Variants in QTGAL observed in about 807,000 individuals in gnomAD.
The protein encoded by QTGAL is queuosine-tRNA galactosyltransferase, also known as BGnT-like protein 1.
At chr17:82,961,221 G>A in the QTGAL span, 21 of 1,588,484 alleles carry the variant, frequency 1.3e-5, no homozygotes, top group Non-Finnish European at 1.7e-5. Context: ...TGGGGCCCCA[G>A]AAACGCGTGC....
the QTGAL span, among the ~76,000 whole-genome samples, chr17:82,999,895 G>A: frequency 3.3e-5 from 5 of 152,126 alleles, no homozygotes; most frequent in African/African-American, 9.7e-5. Flanking sequence ...TTATAGGATC[G>A]CCTTAAACAT....
At chr17:82,971,063 C>T in the QTGAL span, among the ~76,000 whole-genome samples, 1 of 152,108 alleles carries the variant, frequency 6.6e-6, no homozygotes, top group Non-Finnish European at 1.5e-5. Context: ...CTGTGGGAGG[C>T]ATTCATCCGT....
the QTGAL span, among the ~76,000 whole-genome samples, chr17:83,037,887 T>A: frequency 6.6e-6 from 1 of 152,186 alleles, no homozygotes; most frequent in Non-Finnish European, 1.5e-5. This position sits in a 1 kb window ranked among gnomAD's most constrained non-coding sequence, Gnocchi z 5.2. Context: ...AAGTCAAATG[T>A]TTGCGTGGGG....
At chr17:83,038,037 A>T in the QTGAL span, among the ~76,000 whole-genome samples, 6 of 152,124 alleles carry the variant, frequency 3.9e-5, no homozygotes, top group Non-Finnish European at 8.8e-5. Flanking sequence ...TTTTGGTTTT[A>T]GCAAGCGGCG....
the QTGAL span, chr17:82,978,540 C>A: frequency 2.6e-5 from 4 of 152,126 alleles, no homozygotes; most frequent in Non-Finnish European, 4.4e-5. This position sits in a 1 kb window ranked among gnomAD's most constrained non-coding sequence, Gnocchi z 4.8. Flanking sequence ...TGTGCTTGGG[C>A]TCTGAAGCAT....
chr17:82,965,675 C>T, the QTGAL span: 1 of 1,611,306 alleles, frequency 6.2e-7, no homozygotes, highest in African/African-American at 1.3e-5. Flanking sequence ...TAAAGGGGCC[C>T]ACGTGGGAGA....
chr17:82,952,832 A>C, the QTGAL span, among the ~76,000 whole-genome samples: 8 of 152,246 alleles, frequency 5.3e-5, no homozygotes, highest in Non-Finnish European at 8.8e-5. Context: ...GCAAAAGAAC[A>C]GAAATCCTAA....
At chr17:82,990,536 T>A in the QTGAL span, among the ~76,000 whole-genome samples, 1 of 152,260 alleles carries the variant, frequency 6.6e-6, no homozygotes, top group Admixed American at 6.5e-5. Flanking sequence ...AAAACAAACT[T>A]TATTGGTAAC....
the QTGAL span, chr17:82,961,384 G>C: frequency 3.8e-6 from 1 of 261,560 alleles, no homozygotes; most frequent in South Asian, 3.3e-5. Flanking sequence ...CCACAGGCGG[G>C]AAAGAGGGGA....
At chr17:83,005,621 C>T in the QTGAL span, 18 of 702,746 alleles carry the variant, frequency 2.6e-5, no homozygotes, top group African/African-American at 8.7e-5. The surrounding 1 kb of genome is among the most constrained non-coding windows in gnomAD (Gnocchi z 5.6). Context: ...GCTGCCTGTC[C>T]GCAGGCCGCC....
chr17:82,963,799 C>T, the QTGAL span, among the ~76,000 whole-genome samples: 1 of 151,958 alleles, frequency 6.6e-6, no homozygotes, highest in Non-Finnish European at 1.5e-5. Context: ...AACTTCCTAA[C>T]ATTAGATGGT....
the QTGAL span, chr17:83,048,967 C>T: frequency 1.7e-6 from 1 of 602,428 alleles, no homozygotes; most frequent in Non-Finnish European, 2.9e-6. Flanking sequence ...CCCTGAACTG[C>T]CTTCTACATG....
chr17:83,018,327 G>C, the QTGAL span, among the ~76,000 whole-genome samples: 2 of 151,450 alleles, frequency 1.3e-5, no homozygotes, highest in African/African-American at 4.9e-5. Flanking sequence ...CCGCGAACAT[G>C]GTGTGGCTGT....
At chr17:82,981,055 A>C in the QTGAL span, 3 of 152,224 alleles carry the variant, frequency 2.0e-5, no homozygotes, top group Admixed American at 6.5e-5. Flanking sequence ...TTACTTCAGA[A>C]ACCAAGGACA....
the QTGAL span, chr17:82,965,814 T>C: frequency 6.9e-7 from 1 of 1,449,662 alleles, no homozygotes; most frequent in South Asian, 1.2e-5. Context: ...CTGCAGTTTA[T>C]TTCCACAAAG....
chr17:83,018,996 CCT>C, the QTGAL span, among the ~76,000 whole-genome samples: 1 of 152,202 alleles, frequency 6.6e-6, no homozygotes, highest in Non-Finnish European at 1.5e-5. Flanking sequence ...CTTCCTGCCC[CCT>C]GACGTTGTGG....
chr17:83,048,951 A>G, the QTGAL span: 1 of 632,608 alleles, frequency 1.6e-6, no homozygotes, highest in East Asian at 2.7e-5. Context: ...TTTACGTCTT[A>G]GCTTTCCCTG....
At chr17:83,029,847 C>A in the QTGAL span, among the ~76,000 whole-genome samples, 1 of 152,212 alleles carries the variant, frequency 6.6e-6, no homozygotes, top group African/African-American at 2.4e-5. Context: ...TTAAAACCCC[C>A]GGCAAGGCTC....
At chr17:82,981,886 A>T in the QTGAL span, 1 of 152,286 alleles carries the variant, frequency 6.6e-6, no homozygotes, top group African/African-American at 2.4e-5. Flanking sequence ...ACAATGAAGT[A>T]AGCTGGAGAA....
Sources: allele counts gnomAD v4.1 joint callset (sites outside exome capture counted in the v4.1 genomes callset), GRCh38; gene constraint gnomAD v4.1.1; non-coding constraint Gnocchi (gnomAD v3.1); transcripts MANE v1.5; gene names NCBI Gene and HGNC (gene_info 2026-07-23, HGNC 2026-07-21).